CABP5: variants seen among roughly 807,000 people sequenced by gnomAD.
CABP5 encodes the protein calcium-binding protein 5.
A neutral mutation model predicts 21.9 loss-of-function variants in CABP5; 17 were observed. The ratio of observed to expected loss-of-function variants is 0.78; its 90% CI spans 0.53 to 1.17. The LOEUF (loss-of-function observed/expected upper bound fraction) is 1.17, where lower values mean the gene tolerates loss of function less well. CABP5 is among the 50% of genes most tolerant of loss of function. The pLI is 0.00. For missense variants in CABP5, 229 were observed against 228.9 expected (o/e 1.00, Z 0.00); for synonymous variants, 85 against 79.4 (o/e 1.07, Z -0.37).
chr19:48,034,649 G>A (rs1435280766), intron 4 of CABP5, among the ~76,000 whole-genome samples: 4 of 150,456 alleles, frequency 2.7e-5, no homozygotes, highest in Non-Finnish European at 4.4e-5. Context: ...GGATTCAAGC[G>A]ATTCTCGTCC....
At chr19:48,040,166 G>A (rs957754075) in intron 3 of CABP5, among the ~76,000 whole-genome samples, 15 of 151,998 alleles carry the variant, frequency 9.9e-5, no homozygotes, top group African/African-American at 3.1e-4. Flanking sequence ...CTCCAATCTC[G>A]TGCTCCACTG....
Position 48,029,828 on chromosome 19 carries a change from G to GACAGAGAGAGAC in CABP5, c.*728_*729insGTCTCTCTCTGT, listed in dbSNP as rs1555737223. 2.7e-3 allele frequency: 400 copies of GACAGAGAGAGAC among 150,528 alleles called. 1 individual carries two copies. The highest frequency in any genetic ancestry group is 8.9e-3 in the African/African-American group (359 of 40,402). 9.3% of individuals were successfully genotyped at this position (150,528 alleles called of 1,614,324 possible). On this transcript the variant is annotated 3_prime_UTR_variant, in exon 6 of 6. Transcript: ENST00000293255. ...AGAGAGAGAGAGAGAGAGAGAGAGAGAGAGAGAGAAACCAGACAGTGCTTC... is the reference window on the plus strand; with the variant it reads ...AGAGAGAGAGAGAGAGAGAGAGAGAGACAGAGAGAGACAGAGAGAGAAACCAGACAGTGCTTC...
intron 5 of CABP5, among the ~76,000 whole-genome samples, chr19:48,032,416 G>T (rs1379652731): frequency 6.9e-6 from 1 of 145,492 alleles, no homozygotes; most frequent in Admixed American, 7.1e-5. Flanking sequence ...TGCAACCTCC[G>T]CCTCCCAAGT....
At chr19:48,039,125 C>T (rs2122374195) in intron 4 of CABP5, 83 bp downstream of exon 4, 2 of 1,067,962 alleles carry the variant, frequency 1.9e-6, no homozygotes, top group South Asian at 1.3e-5. Context: ...TTGGTGGGTG[C>T]TGTCCATGGC....
intron 5 of CABP5, among the ~76,000 whole-genome samples, chr19:48,033,679 A>T (rs1306190289): frequency 6.6e-6 from 1 of 152,156 alleles, no homozygotes; most frequent in African/African-American, 2.4e-5. Context: ...AGGAAAATTT[A>T]AAAATACAGT....
chr19:48,034,757 G>A (rs1293321284), intron 4 of CABP5, among the ~76,000 whole-genome samples: 2 of 151,800 alleles, frequency 1.3e-5, no homozygotes, highest in African/African-American at 2.4e-5. Context: ...TGTTGGCCAG[G>A]CTGATCTTGA....
rs181856283 is a variant in CABP5 at position 48,039,325 on chromosome 19, A to G, written c.239-8T>C. Reference sequence around the variant, plus strand: ...AGTCTACACGGCCACCCACTGAGGAAGATGGCACAGGATTAGCGAGACCCC... The same window carrying G: ...AGTCTACACGGCCACCCACTGAGGAGGATGGCACAGGATTAGCGAGACCCC... On this transcript the variant is annotated splice_polypyrimidine_tract_variant and splice_region_variant and intron_variant, in intron 3 of 5. Transcript: ENST00000293255. The G allele has an allele frequency of 6.0e-4, 959 of 1,609,756 alleles. 7 individuals carry two copies. In the African/African-American group the frequency reaches 0.012, roughly 19 times the overall value.
chr19:48,039,816 C>T (rs1257976814), intron 3 of CABP5, among the ~76,000 whole-genome samples: 2 of 138,088 alleles, frequency 1.4e-5, no homozygotes, highest in African/African-American at 5.4e-5. Context: ...CGGGTTCAAG[C>T]GATTCTCGTA....
At chr19:48,038,123 G>A (rs1484313696) in intron 4 of CABP5, among the ~76,000 whole-genome samples, 1 of 152,030 alleles carries the variant, frequency 6.6e-6, no homozygotes, top group Non-Finnish European at 1.5e-5. Flanking sequence ...CAGCATCTTG[G>A]CCAGGCTGGT....
Position 48,040,735 on chromosome 19 carries a change from T to A in CABP5, c.108A>T (p.Ala36=). The change falls in exon 3 of 6, where the codon GCA becomes GCT. Residue 36 remains alanine (A), a synonymous_variant. Transcript: ENST00000293255. The part of the protein sequence containing the change: ...GQDEIEELRE[A]FLEFDKDRDG... ...CTCGGTCCTTATCGAACTCAAGAAA[T>A]GCTTCCCGCAGCTCTGAAAGTTAAG... 6.2e-7 allele frequency: 1 copy of A among 1,614,014 alleles called. No homozygotes were observed. Among genetic ancestry groups the A allele is most frequent in the Non-Finnish European group, 8.5e-7 (1 of 1,179,952 alleles).
chr19:48,044,014 G>A lies in CABP5; in HGVS notation c.-92C>T. On this transcript the variant is annotated 5_prime_UTR_variant, in exon 1 of 6. Transcript: ENST00000293255. The stretch of plus-strand genomic sequence containing the variant: ...GAGCTCAGCCTCCTTATCTTCTCCA[G>A]CACTCCTTTGCCACCTCTTCCTGCC... The A allele has an allele frequency of 1.8e-6, 2 of 1,096,488 alleles. No homozygotes were observed. Among genetic ancestry groups the A allele is most frequent in the Non-Finnish European group, 2.6e-6 (2 of 777,914 alleles). The allele number at this position is 1,096,488 out of a possible 1,614,324, so 67.9% of individuals were successfully genotyped here. A position where few individuals can be genotyped will look rare whatever the true frequency, so the allele number is the denominator to read the frequency against.
rs954496515 is a variant in CABP5 at position 48,029,404 on chromosome 19, A to G, written c.*1153T>C. On this transcript the variant is annotated 3_prime_UTR_variant, in exon 6 of 6. Transcript: ENST00000293255. ...GGCATGAAGTTAATTCTTTATTTTG[A>G]CTTTTATTTTAACCTTTGCATTGCT... is the stretch of plus-strand genomic sequence containing the variant. Among the ~76,000 whole-genome samples the G allele has an allele frequency of 4.6e-5, 7 of 152,154 alleles. No homozygotes were observed. The highest frequency in any genetic ancestry group is 7.4e-5 in the Non-Finnish European group (5 of 68,020).
chr19:48,032,664 A>G (rs1404312444), intron 5 of CABP5, among the ~76,000 whole-genome samples: 1 of 143,986 alleles, frequency 6.9e-6, no homozygotes, highest in Non-Finnish European at 1.5e-5. Flanking sequence ...ATGGAGTCTC[A>G]CTGTTGCCCG....
rs564715115 is a variant in CABP5, at chr19:48,029,513, G to T, written c.*1044C>A. 2.0e-5 allele frequency among the ~76,000 whole-genome samples: 3 copies of T among 151,982 alleles called. No homozygotes were observed. The highest frequency in any genetic ancestry group is 4.4e-5 in the Non-Finnish European group (3 of 68,008). On this transcript the variant is annotated 3_prime_UTR_variant, in exon 6 of 6. Coordinates refer to ENST00000293255, the MANE Select transcript of CABP5 (RefSeq NM_019855.5). ...AGATCGATGTCAGGACGTGAGGGACGGAACAGACGACCCATCTAACAGAGA... is the reference window on the plus strand; with the variant it reads ...AGATCGATGTCAGGACGTGAGGGACTGAACAGACGACCCATCTAACAGAGA...
Position 48,030,391 on chromosome 19 carries a change from C to T in CABP5, c.*166G>A. 2 of 587,230 alleles carry T rather than the reference C, an allele frequency of 3.4e-6. No individual in the cohort carries two copies. The highest frequency in any genetic ancestry group is 1.9e-5 in the African/African-American group (1 of 51,556). 36.4% of individuals were successfully genotyped at this position (587,230 alleles called of 1,614,324 possible). Reference sequence around the variant, plus strand: ...AGACGCCCCCATCCTGGCAAAGATACCGCTCTGGGTCTCACCCCATGCACA... The same window carrying T: ...AGACGCCCCCATCCTGGCAAAGATATCGCTCTGGGTCTCACCCCATGCACA... On this transcript the variant is annotated 3_prime_UTR_variant, in exon 6 of 6. Coordinates refer to ENST00000293255, the MANE Select transcript of CABP5 (RefSeq NM_019855.5).
chr19:48,041,641 G>GGGTC (rs1337285883), intron 1 of CABP5, 38 bp from the exon 2 acceptor site: 1 of 1,597,738 alleles, frequency 6.3e-7, no homozygotes, highest in East Asian at 2.3e-5. Flanking sequence ...TTTGGAGAGA[G>GGGTC]GGTCACCCAT....
At chr19:48,042,166 G>T (rs1489691832) in intron 1 of CABP5, among the ~76,000 whole-genome samples, 1 of 152,114 alleles carries the variant, frequency 6.6e-6, no homozygotes, top group Non-Finnish European at 1.5e-5. Context: ...AGGTCATGGG[G>T]CAAGTCAGAC....
chr19:48,041,027 A>T (rs1040915920), intron 2 of CABP5, among the ~76,000 whole-genome samples: 1 of 135,938 alleles, frequency 7.4e-6, no homozygotes, highest in Non-Finnish European at 1.6e-5. Flanking sequence ...ATACAAAAAA[A>T]TTAGCTGGGC....
In CABP5 at chr19:48,043,112, C is replaced by T. The variant is rs543734907; in HGVS notation, c.63+748G>A. On this transcript the variant is annotated intron_variant, in intron 1 of 5. Coordinates refer to ENST00000293255, the MANE Select transcript of CABP5 (RefSeq NM_019855.5). ...GCAGCCTCCACTTCCTGGGCTCAAG[C>T]GATCCTCCTGCCTCAGCCACCTGAG... 5.9e-5 allele frequency among the ~76,000 whole-genome samples: 9 copies of T among 151,850 alleles called. No individual in the cohort carries two copies. The South Asian group carries it at 1.0e-3, about 18-fold the overall frequency.
Sources: allele counts gnomAD v4.1 joint callset (sites outside exome capture counted in the v4.1 genomes callset), GRCh38; gene constraint gnomAD v4.1.1; transcripts MANE v1.5; gene names NCBI Gene and HGNC (gene_info 2026-07-23, HGNC 2026-07-21).